FHIP2A: variants seen among roughly 807,000 people sequenced by gnomAD.
FHIP2A encodes family with sequence similarity 160 member B1.
FHIP2A carries 46 observed loss-of-function variants against 93.5 expected under a neutral mutation model. The ratio of observed to expected loss-of-function variants is 0.49; its 90% confidence interval spans 0.39 to 0.63. The LOEUF is 0.63. Among genes scored for constraint, FHIP2A ranks in the 20% least tolerant of loss-of-function variants. FHIP2A has a pLI of 0.00. For missense variants in FHIP2A, 769 were observed against 909.7 expected (o/e 0.85, Z 1.99); for synonymous variants, 332 against 326.5 (o/e 1.02, Z -0.18).
intron 16 of FHIP2A, among the ~76,000 whole-genome samples, chr10:114,875,726 GAA>G (rs1322643591): frequency 6.2e-5 from 9 of 144,568 alleles, no homozygotes; most frequent in Non-Finnish European, 9.1e-5. Context: ...GAGAAAGAAA[GAA>G]AGAGAGAGAA....
In FHIP2A at chr10:114,855,337, T is replaced by G. The variant is rs900647977; in HGVS notation, c.1944T>G (p.Asp648Glu). 6.2e-7 allele frequency: 1 copy of G among 1,613,328 alleles called. No individual in the cohort carries two copies. Among genetic ancestry groups the G allele is most frequent in the Non-Finnish European group, 8.5e-7 (1 of 1,179,294 alleles). ...TCGACAGAATGGGAAGAATTCTTGA[T>G]CAGGTAATACATTTTAAAATACTAA... The part of the protein sequence containing the change: ...VLFDRMGRIL[D>E]QPYDVNLQVT... Residue 648 changes from aspartate (D) to glutamate (E), a missense_variant, in exon 14 of 17, where the codon GAT becomes GAG. Physicochemically the swap from Asp to Glu is conservative, Grantham distance 45. Coordinates refer to ENST00000369248, the MANE Select transcript of FHIP2A (RefSeq NM_020940.4).
chr10:114,843,046 A>G lies in FHIP2A; in HGVS notation c.636A>G (p.Glu212=), dbSNP rs17092491. The G allele has an allele frequency of 0.1, 160,924 of 1,613,338 alleles. 9,226 individuals are homozygous for G. Among genetic ancestry groups the G allele is most frequent in the East Asian group, 0.22 (9,898 of 44,846 alleles). The change falls in exon 6 of 17, where the codon GAA becomes GAG. Residue 212 remains glutamate (E), a synonymous_variant. Coordinates refer to ENST00000369248, the MANE Select transcript of FHIP2A (RefSeq NM_020940.4). ...TDTGQSRQPE[E]LSGATGMEQT... ...CAGGACAGTCCCGTCAACCAGAGGA[A>G]CTATCTGGTGCTACTGGAATGGAGC...
chr10:114,850,319 C>A (rs1212222827), intron 13 of FHIP2A, among the ~76,000 whole-genome samples: 1 of 152,076 alleles, frequency 6.6e-6, no homozygotes, highest in Non-Finnish European at 1.5e-5. Flanking sequence ...GAAGTGGTGT[C>A]TCCTAGTGGT....
At chr10:114,895,193 A>T (rs1008784229) in intron 16 of FHIP2A, among the ~76,000 whole-genome samples, 1 of 152,244 alleles carries the variant, frequency 6.6e-6, no homozygotes, top group Non-Finnish European at 1.5e-5. Context: ...CTGACAATGC[A>T]TCACTGATAG....
intron 16 of FHIP2A, among the ~76,000 whole-genome samples, chr10:114,895,425 C>T (rs1171778831): frequency 6.6e-6 from 1 of 152,162 alleles, no homozygotes; most frequent in Non-Finnish European, 1.5e-5. Flanking sequence ...CAGTAACTTC[C>T]CTTAATAGGG....
intron 16 of FHIP2A, among the ~76,000 whole-genome samples, chr10:114,871,551 C>A (rs986824971): frequency 2.6e-5 from 4 of 152,126 alleles, no homozygotes; most frequent in Non-Finnish European, 4.4e-5. Context: ...CCATTTTCCT[C>A]ACTCAGCCTT....
At position 114,849,767 on chromosome 10, in the gene FHIP2A, G is replaced by T. The variant is rs189197839; in HGVS notation, c.1803+1030G>T. Among the ~76,000 whole-genome samples the T allele has an allele frequency of 2.8e-3, 429 of 152,186 alleles. 1 individual carries two copies. The highest frequency in any genetic ancestry group is 9.9e-3 in the African/African-American group (409 of 41,504). ...ACAAATAAAGCAGTCACTTCATATT[G>T]ACTTCTCCTCCCCGCCAACCCCCAG... On this transcript the variant is annotated intron_variant, in intron 13 of 16. Coordinates refer to ENST00000369248, the MANE Select transcript of FHIP2A (RefSeq NM_020940.4).
At chr10:114,871,114 T>TTA (rs60183937) in intron 16 of FHIP2A, among the ~76,000 whole-genome samples, 11,363 of 147,734 alleles carry the variant, frequency 0.077, 823 homozygotes, top group African/African-American at 0.18. Flanking sequence ...ATATATACTG[T>TTA]TATATATATA....
At chr10:114,870,697 G>A (rs915396762) in intron 16 of FHIP2A, among the ~76,000 whole-genome samples, 4 of 152,150 alleles carry the variant, frequency 2.6e-5, no homozygotes, top group African/African-American at 9.7e-5. Context: ...GCTCTGACGA[G>A]GAGAGGGGAT....
chr10:114,855,796 C>T (rs1001523867), intron 14 of FHIP2A, among the ~76,000 whole-genome samples: 6 of 152,084 alleles, frequency 3.9e-5, no homozygotes, highest in Non-Finnish European at 7.4e-5. Flanking sequence ...GTAAACGATA[C>T]TCATTTTCAT....
chr10:114,869,482 A>G (rs1163206520), downstream of FHIP2A, among the ~76,000 whole-genome samples: 1 of 152,166 alleles, frequency 6.6e-6, no homozygotes, highest in East Asian at 1.9e-4. Flanking sequence ...TGATTAGAAA[A>G]TAGACCATCA....
intron 1 of FHIP2A, among the ~76,000 whole-genome samples, chr10:114,825,945 A>C (rs1042671911): frequency 1.3e-5 from 2 of 152,240 alleles, no homozygotes; most frequent in African/African-American, 4.8e-5. Flanking sequence ...AATGGAAGTC[A>C]TCTTTCAGAA....
chr10:114,873,962 A>G (rs1240482248), intron 16 of FHIP2A, among the ~76,000 whole-genome samples: 1 of 149,638 alleles, frequency 6.7e-6, no homozygotes, highest in Non-Finnish European at 1.5e-5. Context: ...AAAAAAAAAA[A>G]CAACCCTAAG....
chr10:114,827,285 A>G (rs2083582251), intron 1 of FHIP2A, among the ~76,000 whole-genome samples: 1 of 152,250 alleles, frequency 6.6e-6, no homozygotes, highest in Non-Finnish European at 1.5e-5. Flanking sequence ...ATAACTACTC[A>G]TTAAAAGGCA....
Position 114,842,994 on chromosome 10 carries a change from A to G in FHIP2A, c.584A>G (p.Lys195Arg). Residue 195 changes from lysine to arginine, a missense_variant, in exon 6 of 17, where the codon AAA becomes AGA. Coordinates refer to ENST00000369248, the MANE Select transcript of FHIP2A (RefSeq NM_020940.4). ...VPNVISEDTL[K>R]GQDSLSTDTG... ...AATGTAATTTCAGAAGATACATTAA[A>G]AGGTCAGGATTCCTTGTCAACAGAT... 6.2e-7 allele frequency: 1 copy of G among 1,613,266 alleles called. No homozygotes were observed. Among genetic ancestry groups the G allele is most frequent in the Non-Finnish European group, 8.5e-7 (1 of 1,179,228 alleles).
intron 2 of FHIP2A, among the ~76,000 whole-genome samples, chr10:114,832,678 A>G (rs1221366430): frequency 6.6e-6 from 1 of 151,682 alleles, no homozygotes; most frequent in East Asian, 1.9e-4. Context: ...TACTGTGGAT[A>G]GATGAATGTT....
intron 5 of FHIP2A, among the ~76,000 whole-genome samples, chr10:114,837,486 G>T (rs1566367942): frequency 6.6e-6 from 1 of 152,232 alleles, no homozygotes; most frequent in African/African-American, 2.4e-5. Context: ...CTGCACTCCA[G>T]CCTGGGCAAC....
chr10:114,872,483 C>T (rs970622277), intron 16 of FHIP2A, among the ~76,000 whole-genome samples: 5 of 152,112 alleles, frequency 3.3e-5, no homozygotes, highest in Admixed American at 3.3e-4. Context: ...TTTAGGGCTG[C>T]CATAGAGCCT....
rs1481667823 is a variant in FHIP2A at position 114,846,030 on chromosome 10, T to C, written c.1146T>C (p.Leu382=). The C allele has an allele frequency of 4.3e-6, 7 of 1,613,802 alleles. No homozygotes were observed. In the East Asian group the frequency reaches 1.6e-4, roughly 36 times the overall value. The part of the protein sequence containing the change: ...KEAQKTAAVA[L]AKAVHERFFI... ...TATTCTAGACTGCTGCTGTTGCTCT[T>C]GCCAAAGCTGTTCATGAAAGATTTT... is the stretch of plus-strand genomic sequence containing the variant. Residue 382 remains leucine (L), a synonymous_variant, in exon 9 of 17, where the codon CTT becomes CTC. Coordinates refer to ENST00000369248, the MANE Select transcript of FHIP2A (RefSeq NM_020940.4).
Sources: allele counts gnomAD v4.1 joint callset (sites outside exome capture counted in the v4.1 genomes callset), GRCh38; gene constraint gnomAD v4.1.1; transcripts MANE v1.5; gene names NCBI Gene and HGNC (gene_info 2026-07-23, HGNC 2026-07-21).